The following P2RX4 variants were observed in gnomAD, a reference collection of about 807,000 sequenced individuals.
P2RX4 encodes P2X purinoceptor 4.
P2RX4 carries 37 observed loss-of-function variants against 48.0 expected under a neutral mutation model. The observed-to-expected ratio is 0.77, with a 90% CI of 0.59 to 1.01. P2RX4 has a LOEUF of 1.01. Ranked by LOEUF, P2RX4 falls within the 50% of genes least tolerant of loss-of-function variation. P2RX4 has a pLI of 0.00. For synonymous variants in P2RX4, 200 were observed against 199.7 expected, an observed-to-expected ratio of 1.00 and a Z score of -0.01; for missense variants, 501 against 521.4, an observed-to-expected ratio of 0.96 and a Z score of 0.38.
At chr12:121,222,740 C>A in intron 4 of P2RX4, 1 of 1,507,492 alleles carries the variant, frequency 6.6e-7, no homozygotes. Flanking sequence ...CTTGGCATCA[C>A]CCTGGCTGAG....
chr12:121,221,803 G>T, intron 2 of P2RX4, 110 bp from the exon 3 acceptor site: 1 of 838,706 alleles, frequency 1.2e-6, no homozygotes, highest in Non-Finnish European at 2.1e-6. Context: ...GGAGAGAGCG[G>T]GAGAGCACGC....
intron 5 of P2RX4, among the ~76,000 whole-genome samples, chr12:121,226,683 TA>T (rs1377373794): frequency 6.6e-6 from 1 of 152,226 alleles, no homozygotes; most frequent in Non-Finnish European, 1.5e-5. Context: ...TCAATTTCTC[TA>T]AAAAGGTGAG....
chr12:121,228,731 T>A lies in P2RX4; in HGVS notation c.612T>A (p.Asn204Lys). ...WYPKFNFSKR[N>K]ILPNITTTYL... The stretch of plus-strand genomic sequence containing the variant: ...TGCTTCCTCTCGACTTTAGGAGGAA[T>A]ATCCTTCCCAACATCACCACTACTT... The change falls in exon 7 of 12, where the codon AAT (asparagine) becomes AAA (lysine). Residue 204 changes from asparagine (N) to lysine (K), a missense_variant. Asn to Lys is a moderately conservative substitution (Grantham distance 94). Coordinates refer to ENST00000337233, the MANE Select transcript of P2RX4 (RefSeq NM_002560.3). 1 of 1,614,126 alleles carries A rather than the reference T, an allele frequency of 6.2e-7. No homozygotes were observed. Among genetic ancestry groups the A allele is most frequent in the Non-Finnish European group, 8.5e-7 (1 of 1,180,040 alleles).
intron 8 of P2RX4, among the ~76,000 whole-genome samples, chr12:121,230,480 C>A (rs1056528941): frequency 4.6e-5 from 7 of 152,226 alleles, no homozygotes; most frequent in African/African-American, 1.7e-4. Flanking sequence ...CGTGTGGAAT[C>A]CGATCCATAC....
Position 121,229,938 on chromosome 12 carries a change from C to T in P2RX4, c.884+839C>T, listed in dbSNP as rs541533320. On this transcript the variant is annotated intron_variant, in intron 8 of 11. Transcript: ENST00000337233. This position sits in a 1 kb window ranked among gnomAD's most constrained non-coding sequence, Gnocchi z 4.6. ...AGTATGACCTCATCTTAACAAATTA[C>T]GTCTGCCAATATCCCATTTCCAAAT... Among the ~76,000 whole-genome samples the T allele has an allele frequency of 5.3e-5, 8 of 152,300 alleles. No individual in the cohort carries two copies. The highest frequency in any genetic ancestry group is 2.0e-4 in the Admixed American group (3 of 15,300).
chr12:121,212,816 A>ATTTTTTTTT (rs1266371217), intron 1 of P2RX4: 2 of 32,754 alleles, frequency 6.1e-5, no homozygotes, highest in African/African-American at 2.9e-4. Context: ...ATATATATAT[A>ATTTTTTTTT]TATATATATT....
At chr12:121,211,489 G>T (rs1885847025) in intron 1 of P2RX4, among the ~76,000 whole-genome samples, 1 of 152,040 alleles carries the variant, frequency 6.6e-6, no homozygotes, top group Non-Finnish European at 1.5e-5. Flanking sequence ...ACGCGGGGCT[G>T]GCACCTGTTA....
In P2RX4 at chr12:121,228,925, G is replaced by A. The variant is rs1167195216; in HGVS notation, c.748-38G>A. 5 of 1,613,982 alleles carry A rather than the reference G, an allele frequency of 3.1e-6. No homozygotes were observed. In the African/African-American group the frequency reaches 6.7e-5, roughly 22 times the overall value. ...CTGGAGGCGTCTCGTGCCAGGTGCT[G>A]AGGAAAGCCTTGCCGTGTCTCTGCT... On this transcript the variant is annotated intron_variant, in intron 7 of 11. Transcript: ENST00000337233.
intron 1 of P2RX4, among the ~76,000 whole-genome samples, chr12:121,211,212 A>AT (rs1364246777): frequency 6.6e-6 from 1 of 151,680 alleles, no homozygotes; most frequent in East Asian, 1.9e-4. Context: ...TAATTTTTTT[A>AT]TTTTTTTGAG....
rs769538385 is a variant in P2RX4 at position 121,210,210 on chromosome 12, G to A, written c.46G>A (p.Asp16Asn). 1.3e-6 allele frequency: 2 copies of A among 1,554,652 alleles called. No individual in the cohort carries two copies. The highest frequency in any genetic ancestry group is 1.9e-5 in the Admixed American group (1 of 52,362). ...AALAAFLFEYDTPRIVLIRSR... is the reference protein window; with the variant it reads ...AALAAFLFEYNTPRIVLIRSR... ...GCTGGCGGCCTTCCTGTTCGAGTAC[G>A]ACACGCCGCGCATCGTGCTCATCCG... Residue 16 changes from aspartate (D) to asparagine (N), a missense_variant, in exon 1 of 12, where the codon GAC becomes AAC. Physicochemically the swap from Asp to Asn is conservative, Grantham distance 23. Transcript: ENST00000337233.
chr12:121,222,822 G>A lies in P2RX4; in HGVS notation c.428-125G>A. ...GGACAGTGACACTGTCTAAATCCCA[G>A]ATTTGCACAGCTCAAGACTGGCTGC... On this transcript the variant is annotated intron_variant, in intron 4 of 11. Coordinates refer to ENST00000337233, the MANE Select transcript of P2RX4 (RefSeq NM_002560.3). 4 of 1,488,270 alleles carry A rather than the reference G, an allele frequency of 2.7e-6. No homozygotes were observed. In the Admixed American group the frequency reaches 5.9e-5, roughly 22 times the overall value. The allele number at this position is 1,488,270 out of a possible 1,614,324, so 92.2% of individuals were successfully genotyped here. A position where few individuals can be genotyped will look rare whatever the true frequency, so the allele number is the denominator to read the frequency against.
Position 121,210,406 on chromosome 12 carries a change from C to A in P2RX4, c.134+108C>A, listed in dbSNP as rs562302511. On this transcript the variant is annotated intron_variant, in intron 1 of 11. Coordinates refer to ENST00000337233, the MANE Select transcript of P2RX4 (RefSeq NM_002560.3). ...CCTGGGCGAGTCCGGGAGCGGCGAG[C>A]CGAGGCGGTGACACCTTCCCTGGGC... The A allele has an allele frequency of 3.6e-5, 42 of 1,155,382 alleles. No homozygotes were observed. In the East Asian group the frequency reaches 1.1e-3, roughly 30 times the overall value. 71.6% of individuals were successfully genotyped at this position (1,155,382 alleles called of 1,614,324 possible).
At chr12:121,215,371 G>T (rs927514237) in intron 1 of P2RX4, 2 of 152,102 alleles carry the variant, frequency 1.3e-5, no homozygotes, top group Non-Finnish European at 1.5e-5. Context: ...CGTGAATGGT[G>T]GAGCTGAGCC....
intron 1 of P2RX4, chr12:121,212,814 ATATATATATATTTT>A (rs1885960988): frequency 3.2e-5 from 1 of 31,474 alleles, no homozygotes; most frequent in African/African-American, 1.4e-4. Context: ...ATATATATAT[ATATATATATATTTT>A]TTTTTTTTTT....
Position 121,212,559 on chromosome 12 carries a change from G to A in P2RX4, c.134+2261G>A, listed in dbSNP as rs540936154. On this transcript the variant is annotated intron_variant, in intron 1 of 11. Transcript: ENST00000337233. The stretch of plus-strand genomic sequence containing the variant: ...TCTCAGCACTTTGGGAGGCCGAGGC[G>A]GGTGGATCACCTGAGGTCAGGAGTT... Among the ~76,000 whole-genome samples the A allele has an allele frequency of 4.7e-5, 7 of 149,510 alleles. No homozygotes were observed. In the South Asian group the frequency reaches 8.5e-4, roughly 18 times the overall value.
At chr12:121,231,697 G>A (rs983222821) in intron 8 of P2RX4, among the ~76,000 whole-genome samples, 12 of 152,104 alleles carry the variant, frequency 7.9e-5, no homozygotes, top group South Asian at 4.1e-4. Flanking sequence ...TGTGACGAAC[G>A]AGTGGTTCTT....
At chr12:121,233,403 G>C in intron 11 of P2RX4, 120 bp from the exon 12 acceptor site, 7 of 1,062,622 alleles carry the variant, frequency 6.6e-6, no homozygotes, top group Non-Finnish European at 1.0e-5. Flanking sequence ...GAAGGGTTGG[G>C]TTCCAGGCCT....
chr12:121,224,122 T>A lies in P2RX4; in HGVS notation c.524+1079T>A, dbSNP rs531195105. On this transcript the variant is annotated intron_variant, in intron 5 of 11. Transcript: ENST00000337233. ...GTGGCTGGGGAATGGGTTTTGCTTA[T>A]CAGCTTGGGCCTGGGTCACATGCCC... is the stretch of plus-strand genomic sequence containing the variant. 3.9e-5 allele frequency among the ~76,000 whole-genome samples: 6 copies of A among 152,266 alleles called. 1 individual carries two copies. In the East Asian group the frequency reaches 1.2e-3, roughly 29 times the overall value.
At position 121,229,142 on chromosome 12, in the gene P2RX4, C is replaced by A. The variant is rs1176006639; in HGVS notation, c.884+43C>A. 1 of 1,612,546 alleles carries A rather than the reference C, an allele frequency of 6.2e-7. No individual in the cohort carries two copies. ...CCCCTCGCTCATGTTGTAGGGGGTG[C>A]TGGTGGCTGCGTACGTGCCAGTGGG... On this transcript the variant is annotated intron_variant, in intron 8 of 11. Coordinates refer to ENST00000337233, the MANE Select transcript of P2RX4 (RefSeq NM_002560.3). The surrounding 1 kb of genome is among the most constrained non-coding windows in gnomAD (Gnocchi z 4.6).
Sources: allele counts gnomAD v4.1 joint callset (sites outside exome capture counted in the v4.1 genomes callset), GRCh38; gene constraint gnomAD v4.1.1; non-coding constraint Gnocchi (gnomAD v3.1); transcripts MANE v1.5; gene names NCBI Gene and HGNC (gene_info 2026-07-23, HGNC 2026-07-21).